Variants in KNTC1 observed in about 807,000 individuals in gnomAD.
KNTC1 encodes the protein kinetochore-associated protein 1.
In KNTC1, 253 loss-of-function variants were observed where a neutral mutation model predicts 314.4. The ratio of observed to expected loss-of-function variants is 0.80; its 90% CI spans 0.73 to 0.89. The LOEUF is 0.89. Ranked by LOEUF, KNTC1 falls within the 40% of genes least tolerant of loss-of-function variation. The probability of loss-of-function intolerance (pLI) is 0.00; values close to 1 mark genes in which losing one functional copy is unlikely to be tolerated. For synonymous variants in KNTC1, 901 were observed against 901.4 expected, an observed-to-expected ratio of 1.00 and a Z score of 0.01; for missense variants, 2,475 against 2,572.9, an observed-to-expected ratio of 0.96 and a Z score of 0.82.
chr12:122,569,864 T>C (rs754423774), intron 22 of KNTC1, 40 bp downstream of exon 22: 4 of 1,567,834 alleles, frequency 2.6e-6, no homozygotes, highest in Non-Finnish European at 2.6e-6. Context: ...ATGACTTTAT[T>C]TCATTTTTTA....
chr12:122,582,846 G>A lies in KNTC1; in HGVS notation c.3124G>A (p.Glu1042Lys). ...PGSTPEPIAA[E>K]VRSPSMESKL... The stretch of plus-strand genomic sequence containing the variant: ...GAGCACCCCAGAGCCCATAGCTGCT[G>A]AGGTGAGGAGCCCAAGCATGGAATC... Residue 1042 changes from glutamate to lysine, a missense_variant, in exon 34 of 64, where the codon GAG (glutamate) becomes AAG (lysine). Glu to Lys is a moderately conservative substitution (Grantham distance 56). Transcript: ENST00000333479. The A allele has an allele frequency of 6.2e-7, 1 of 1,612,098 alleles. No homozygotes were observed. The highest frequency in any genetic ancestry group is 8.5e-7 in the Non-Finnish European group (1 of 1,179,040).
intron 57 of KNTC1, chr12:122,617,450 C>T (rs1231092781): frequency 2.3e-6 from 1 of 443,108 alleles, no homozygotes; most frequent in Non-Finnish European, 4.5e-6. Flanking sequence ...CTTAGAACTC[C>T]TGAGCTGAAA....
intron 11 of KNTC1, 58 bp downstream of exon 11, chr12:122,547,588 C>T (rs1275255591): frequency 1.5e-5 from 16 of 1,079,078 alleles, no homozygotes; most frequent in Non-Finnish European, 2.0e-5. Flanking sequence ...GGTATCTTGT[C>T]TGGTTTTGTT....
chr12:122,533,532 T>C (rs771525039), intron 2 of KNTC1, among the ~76,000 whole-genome samples: 2 of 151,954 alleles, frequency 1.3e-5, no homozygotes, highest in Admixed American at 6.6e-5. Context: ...CCCGTCTCTA[T>C]AAAAGAAAAA....
intron 53 of KNTC1, among the ~76,000 whole-genome samples, chr12:122,612,159 G>A (rs1425986100): frequency 2.6e-5 from 4 of 150,978 alleles, no homozygotes; most frequent in Admixed American, 6.6e-5. Context: ...TCCGCCTCCC[G>A]GGTTCAAGCA....
intron 45 of KNTC1, among the ~76,000 whole-genome samples, chr12:122,602,198 TATAAAC>T (rs1872016021): frequency 6.6e-6 from 1 of 151,998 alleles, no homozygotes; most frequent in Non-Finnish European, 1.5e-5. Flanking sequence ...TAATATAAAA[TATAAAC>T]ATAGGAAAGA....
chr12:122,535,805 C>T (rs1212757652), intron 3 of KNTC1, among the ~76,000 whole-genome samples: 1 of 151,022 alleles, frequency 6.6e-6, no homozygotes, highest in East Asian at 2.0e-4. Context: ...GACAGAGTGA[C>T]AGTCGTGTCT....
At chr12:122,550,512 G>A (rs1963122919) in intron 13 of KNTC1, among the ~76,000 whole-genome samples, 1 of 151,892 alleles carries the variant, frequency 6.6e-6, no homozygotes. Context: ...TGTTGTTGTT[G>A]TTGTTGTCGA....
intron 20 of KNTC1, among the ~76,000 whole-genome samples, chr12:122,566,965 G>C (rs185004203): frequency 6.9e-4 from 104 of 151,486 alleles, no homozygotes; most frequent in Non-Finnish European, 5.2e-4. Flanking sequence ...CGAACTCCTG[G>C]GCTCAAGTGA....
rs758879330 is a variant in KNTC1 at position 122,551,671 on chromosome 12, CCAT to C, written c.1248_1250del (p.Ile417del). The stretch of plus-strand genomic sequence containing the variant: ...AGATTTGCTGAAGCTGAGAGTTTTG[CCAT>C]TCAGTTTGGACTAGATGTTGAGGTA... On this transcript the variant is annotated inframe_deletion, in exon 16 of 64. Coordinates refer to ENST00000333479, the MANE Select transcript of KNTC1 (RefSeq NM_014708.6). The C allele has an allele frequency of 6.2e-7, 1 of 1,613,526 alleles. No homozygotes were observed. Among genetic ancestry groups the C allele is most frequent in the Non-Finnish European group, 8.5e-7 (1 of 1,179,520 alleles).
intron 56 of KNTC1, 91 bp from the exon 57 acceptor site, chr12:122,615,379 A>T (rs1593686519): frequency 2.7e-6 from 3 of 1,093,578 alleles, no homozygotes; most frequent in South Asian, 1.6e-5. Context: ...TTTTACCAGT[A>T]CTTCTTCTGG....
chr12:122,598,140 G>T (rs1186398660), intron 44 of KNTC1, among the ~76,000 whole-genome samples: 1 of 152,090 alleles, frequency 6.6e-6, no homozygotes, highest in Non-Finnish European at 1.5e-5. Context: ...TTCTTCCCCA[G>T]ATTTTTGAAA....
rs373899483 is a variant in KNTC1 at position 122,569,704 on chromosome 12, T to A, written c.1740T>A (p.Asp580Glu). Reference protein sequence around the residue: ...RHRANFESRFDVKMLESLLNS... With the variant: ...RHRANFESRFEVKMLESLLNS... ...AGGCAAACTTTGAAAGCAGATTTGATGTGAAAATGCTGGAGAGCTTGCTCA... is the reference window on the plus strand; with the variant it reads ...AGGCAAACTTTGAAAGCAGATTTGAAGTGAAAATGCTGGAGAGCTTGCTCA... The change falls in exon 22 of 64, where the codon GAT (aspartate) becomes GAA (glutamate). Residue 580 changes from aspartate to glutamate, a missense_variant. Physicochemically the swap from Asp to Glu is conservative, Grantham distance 45. Transcript: ENST00000333479. 2 of 1,612,724 alleles carry A rather than the reference T, an allele frequency of 1.2e-6. No individual in the cohort carries two copies. The highest frequency in any genetic ancestry group is 1.3e-5 in the African/African-American group (1 of 75,026).
intron 49 of KNTC1, 86 bp downstream of exon 49, chr12:122,604,723 G>C (rs1330434747): frequency 1.6e-6 from 2 of 1,227,018 alleles, no homozygotes; most frequent in East Asian, 4.7e-5. Context: ...CTGCCCTGGT[G>C]CCTAAAATGG....
At chr12:122,568,572 C>A (rs1364541875) in intron 21 of KNTC1, among the ~76,000 whole-genome samples, 200 bp downstream of exon 21, 1 of 152,218 alleles carries the variant, frequency 6.6e-6, no homozygotes, top group African/African-American at 2.4e-5. Flanking sequence ...CGCGATGGCT[C>A]ACGCCTATAA....
chr12:122,563,895 T>C (rs1361030242), intron 20 of KNTC1: 5 of 1,205,110 alleles, frequency 4.1e-6, no homozygotes, highest in South Asian at 2.8e-5. Flanking sequence ...CAGCTGGTAT[T>C]TGCAAAGGGC....
intron 53 of KNTC1, 41 bp downstream of exon 53, chr12:122,610,941 C>T: frequency 7.1e-7 from 1 of 1,415,162 alleles, no homozygotes. Flanking sequence ...CTGTGCATCT[C>T]AGCTTAACAT....
At position 122,584,432 on chromosome 12, in the gene KNTC1, G is replaced by A; in HGVS notation, c.3418G>A (p.Ala1140Thr). ...GATACATGATCTAGCAAGCCAAGCT[G>A]CCACCATTTGCAGTCCAGGTGACAA... Reference protein sequence around the residue: ...SMIHDLASQAATICSPDFLLD... With the variant: ...SMIHDLASQATTICSPDFLLD... The change falls in exon 35 of 64, where the codon GCC (alanine) becomes ACC (threonine). Residue 1140 changes from alanine to threonine, a missense_variant. Physicochemically the swap from Ala to Thr is moderately conservative, Grantham distance 58. Coordinates refer to ENST00000333479, the MANE Select transcript of KNTC1 (RefSeq NM_014708.6). The A allele has an allele frequency of 6.2e-7, 1 of 1,608,342 alleles. No individual in the cohort carries two copies.
Position 122,542,223 on chromosome 12 carries a change from AT to A in KNTC1, c.523+100del, listed in dbSNP as rs990137518. On this transcript the variant is annotated intron_variant, in intron 6 of 63. Transcript: ENST00000333479. ...AATTTTAAGTACTCTCTTTAAGCTT[AT>A]TTTATCTTACTTGTATTTAGTTATA... 8.5e-5 allele frequency: 68 copies of A among 800,980 alleles called. No homozygotes were observed. The African/African-American group carries it at 1.1e-3, about 13-fold the overall frequency. 49.6% of individuals were successfully genotyped at this position (800,980 alleles called of 1,614,324 possible). A position where few individuals can be genotyped will look rare whatever the true frequency, so the allele number is the denominator to read the frequency against.
Sources: gnomAD v4.1 joint callset for allele counts (sites outside exome capture counted in the v4.1 genomes callset) on GRCh38, gnomAD v4.1.1 for gene constraint, MANE v1.5 for transcripts, NCBI Gene and HGNC (gene_info 2026-07-23, HGNC 2026-07-21) for gene names.